Variants in DPP10 observed in about 807,000 individuals in gnomAD.
DPP10 encodes dipeptidyl peptidase like 10, also known as inactive dipeptidyl peptidase 10.
DPP10 carries 33 observed loss-of-function variants against 120.9 expected under a neutral mutation model. That is an observed-to-expected ratio of 0.27 (90% CI 0.21 to 0.37). DPP10 has a LOEUF of 0.37. DPP10 is among the 10% of genes least tolerant of loss of function. The pLI is 1.00. For synonymous variants in DPP10, 337 were observed against 326.1 expected (o/e 1.03, Z -0.36); for missense variants, 816 against 942.8 (o/e 0.87, Z 1.76).
intron 3 of DPP10, among the ~76,000 whole-genome samples, chr2:115,362,031 A>G (rs564384905): frequency 6.6e-6 from 1 of 150,456 alleles, no homozygotes; most frequent in African/African-American, 2.4e-5. Context: ...TTTTGTGTGT[A>G]TGTTTTGTGT....
chr2:115,155,528 T>C (rs2051853436), intron 1 of DPP10, among the ~76,000 whole-genome samples: 1 of 152,230 alleles, frequency 6.6e-6, no homozygotes, highest in Admixed American at 6.5e-5. Flanking sequence ...AGGGTGATTT[T>C]CTAGTCATTG....
chr2:115,372,043 T>C (rs2065444952), intron 3 of DPP10, among the ~76,000 whole-genome samples: 1 of 152,164 alleles, frequency 6.6e-6, no homozygotes, highest in East Asian at 1.9e-4. Context: ...CTATGTAATG[T>C]AACAAGTCTT....
At chr2:114,537,751 G>A (rs1686629883) in intron 1 of DPP10, among the ~76,000 whole-genome samples, 1 of 152,198 alleles carries the variant, frequency 6.6e-6, no homozygotes. Context: ...CTGAGATGGG[G>A]ACAATGTAGA....
chr2:114,528,294 G>T (rs149486454), intron 1 of DPP10, among the ~76,000 whole-genome samples: 1 of 152,154 alleles, frequency 6.6e-6, no homozygotes, highest in Non-Finnish European at 1.5e-5. Flanking sequence ...AAGAGGATTC[G>T]TGTTAATGTC....
At chr2:115,181,781 C>G (rs1458207241) in intron 1 of DPP10, among the ~76,000 whole-genome samples, 1 of 152,122 alleles carries the variant, frequency 6.6e-6, no homozygotes, top group Non-Finnish European at 1.5e-5. Context: ...TCGGATCCAC[C>G]ACAGACTATC....
intron 1 of DPP10, among the ~76,000 whole-genome samples, chr2:114,754,323 A>G (rs1250377407): frequency 6.6e-6 from 1 of 152,196 alleles, no homozygotes; most frequent in Non-Finnish European, 1.5e-5. Flanking sequence ...GCCAATCACC[A>G]GACTTAAAAG....
At chr2:115,766,033 A>G (rs1386571752) in intron 12 of DPP10, among the ~76,000 whole-genome samples, 2 of 151,946 alleles carry the variant, frequency 1.3e-5, no homozygotes, top group East Asian at 1.9e-4. Flanking sequence ...CATTCAGTAA[A>G]TAATTATTGA....
At chr2:114,644,332 C>CTG (rs1695949919) in intron 1 of DPP10, among the ~76,000 whole-genome samples, 4 of 148,818 alleles carry the variant, frequency 2.7e-5, no homozygotes, top group African/African-American at 1.0e-4. Context: ...ATAGTTTCCT[C>CTG]TGTGTGTGTC....
intron 1 of DPP10, among the ~76,000 whole-genome samples, chr2:114,563,568 A>G (rs1688943164): frequency 6.6e-6 from 1 of 152,162 alleles, no homozygotes; most frequent in South Asian, 2.1e-4. Flanking sequence ...TTAGAGGAAT[A>G]AGCACATGTA....
intron 1 of DPP10, among the ~76,000 whole-genome samples, chr2:114,662,189 G>T (rs185046085): frequency 1.3e-5 from 2 of 152,012 alleles, no homozygotes; most frequent in African/African-American, 4.8e-5. Context: ...GAGGCTCCGA[G>T]GGGGAGCGAG....
chr2:115,806,393 A>G (rs1685976611), intron 19 of DPP10, among the ~76,000 whole-genome samples: 1 of 152,198 alleles, frequency 6.6e-6, no homozygotes, highest in East Asian at 1.9e-4. Context: ...CTGCCTGCTT[A>G]TACTTAGTAC....
chr2:114,677,083 G>A (rs745840275), intron 1 of DPP10, among the ~76,000 whole-genome samples: 1 of 152,174 alleles, frequency 6.6e-6, no homozygotes, highest in Admixed American at 6.6e-5. Flanking sequence ...TAGCTACTAA[G>A]CAATGTTATC....
At chr2:114,731,809 G>C (rs1291566511) in intron 1 of DPP10, among the ~76,000 whole-genome samples, 1 of 152,142 alleles carries the variant, frequency 6.6e-6, no homozygotes, top group Non-Finnish European at 1.5e-5. Context: ...GCAGCCAACA[G>C]GTTGGGATTT....
intron 1 of DPP10, among the ~76,000 whole-genome samples, chr2:114,564,028 A>G (rs1332808883): frequency 6.6e-6 from 1 of 152,242 alleles, no homozygotes; most frequent in African/African-American, 2.4e-5. Flanking sequence ...TGGGTTGGCC[A>G]CAATGTCCTC....
chr2:114,541,141 G>A lies in DPP10; in HGVS notation c.60+98303G>A, dbSNP rs537491077. On this transcript the variant is annotated intron_variant, in intron 1 of 25. Transcript: ENST00000410059. Reference sequence around the variant, plus strand: ...TTCTCTGGCAGGGGTTGTGATTTCCGATGGGGGCGAAGTCACGGCTTTTCG... The same window carrying A: ...TTCTCTGGCAGGGGTTGTGATTTCCAATGGGGGCGAAGTCACGGCTTTTCG... Among the ~76,000 whole-genome samples the A allele has an allele frequency of 1.5e-3, 233 of 152,304 alleles. 6 individuals carry two copies. The highest frequency in any genetic ancestry group is 0.014 in the Middle Eastern group (4 of 294).
chr2:115,352,285 G>T (rs2064084368), intron 3 of DPP10, among the ~76,000 whole-genome samples: 1 of 152,076 alleles, frequency 6.6e-6, no homozygotes, highest in South Asian at 2.1e-4. Flanking sequence ...TTGGGGAAAT[G>T]GGATGAAAGT....
intron 1 of DPP10, among the ~76,000 whole-genome samples, chr2:114,667,308 T>C (rs1054377770): frequency 5.9e-5 from 9 of 152,238 alleles, no homozygotes; most frequent in African/African-American, 1.9e-4. Flanking sequence ...TTTTTTTTAA[T>C]TAAAAGTTAT....
At chr2:114,469,948 A>G (rs545399692) in intron 1 of DPP10, among the ~76,000 whole-genome samples, 1 of 152,298 alleles carries the variant, frequency 6.6e-6, no homozygotes, top group East Asian at 1.9e-4. Flanking sequence ...TGGATACAGG[A>G]CAAAAACAAA....
chr2:115,745,721 A>G (rs983101392), intron 9 of DPP10, among the ~76,000 whole-genome samples: 3 of 149,452 alleles, frequency 2.0e-5, no homozygotes, highest in South Asian at 4.2e-4. Flanking sequence ...ATTGCATTTC[A>G]TATCCTCTAA....
Sources: gnomAD v4.1 joint callset for allele counts (sites outside exome capture counted in the v4.1 genomes callset) on GRCh38, gnomAD v4.1.1 for gene constraint, MANE v1.5 for transcripts, NCBI Gene and HGNC (gene_info 2026-07-23, HGNC 2026-07-21) for gene names.